The following MPPE1 variants were observed in gnomAD, a reference collection of about 807,000 sequenced individuals.
MPPE1 encodes the protein metallo phosphoesterase.
Under a neutral mutation model 43.8 loss-of-function variants are expected in MPPE1, and 28 were observed. That is an observed-to-expected ratio of 0.64 (90% CI 0.47 to 0.88). The LOEUF (loss-of-function observed/expected upper bound fraction) is 0.88. Among genes scored for constraint, MPPE1 ranks in the 40% least tolerant of loss-of-function variants. The pLI is 0.00. For synonymous variants in MPPE1, 159 were observed against 188.5 expected, an observed-to-expected ratio of 0.84 and a Z score of 1.28; for missense variants, 428 against 492.2, an observed-to-expected ratio of 0.87 and a Z score of 1.23.
intron 10 of MPPE1, 151 bp downstream of exon 10, chr18:11,885,525 A>C (rs896062202): frequency 2.2e-6 from 2 of 891,566 alleles, no homozygotes; most frequent in Non-Finnish European, 3.4e-6. Flanking sequence ...GGTGTTTGGC[A>C]AGGGGCAGTG....
At position 11,897,177 on chromosome 18, in the gene MPPE1, C is replaced by A; in HGVS notation, c.88G>T (p.Val30Phe). 1.6e-6 allele frequency: 2 copies of A among 1,246,734 alleles called. No individual in the cohort carries two copies. The highest frequency in any genetic ancestry group is 1.2e-6 in the Non-Finnish European group (1 of 861,868). The allele number at this position is 1,246,734 out of a possible 1,614,324, so 77.2% of individuals were successfully genotyped here. A position where few individuals can be genotyped will look rare whatever the true frequency, so the allele number is the denominator to read the frequency against. Residue 30 changes from valine to phenylalanine, a missense_variant, in exon 3 of 11, where the codon GTC becomes TTC. Physicochemically the swap from Val to Phe is conservative, Grantham distance 50. Transcript: ENST00000588072. ...SSLLLKLIAV[V>F]FAVLLFCEFL... ...TCACAAAATAGAAGCACAGCAAAGA[C>A]AACAGCTATGAGTTTCAACAGCAAT...
intron 2 of MPPE1, 176 bp from the exon 3 acceptor site, chr18:11,897,532 G>A: frequency 2.5e-6 from 1 of 400,902 alleles, no homozygotes; most frequent in Non-Finnish European, 4.5e-6. Context: ...TGACCTCTCT[G>A]ACTCCTTCAA....
intron 3 of MPPE1, 145 bp from the exon 4 acceptor site, chr18:11,893,721 G>C (rs1323188893): frequency 1.5e-6 from 1 of 663,774 alleles, no homozygotes; most frequent in African/African-American, 1.8e-5. Flanking sequence ...TCCCTGGCTT[G>C]AAGGGCCAAA....
chr18:11,897,324 G>A lies in MPPE1; in HGVS notation c.-60C>T, dbSNP rs992848358. The A allele has an allele frequency of 2.1e-6, 2 of 957,990 alleles. No homozygotes were observed. Among genetic ancestry groups the A allele is most frequent in the Non-Finnish European group, 3.2e-6 (2 of 627,532 alleles). The allele number at this position is 957,990 out of a possible 1,614,324, so 59.3% of individuals were successfully genotyped here. On this transcript the variant is annotated 5_prime_UTR_variant, in exon 3 of 11. Transcript: ENST00000588072. ...CACGAGAAAACTGCAGAGCCCTGGG[G>A]AGGGTGATGGCATTCAGGTCTTAGC...
At chr18:11,885,224 TG>T (rs1306745300) in intron 10 of MPPE1, 1 of 341,352 alleles carries the variant, frequency 2.9e-6, no homozygotes, top group African/African-American at 2.2e-5. Context: ...CAGGAGCCCA[TG>T]GCTGAAAGGA....
At chr18:11,884,916 A>C in intron 10 of MPPE1, 7 of 1,291,938 alleles carry the variant, frequency 5.4e-6, no homozygotes, top group Non-Finnish European at 7.0e-6. Flanking sequence ...GGTTCCCATC[A>C]AATATAGTGG....
Position 11,882,712 on chromosome 18 carries a change from G to C in MPPE1, c.*1733C>G, listed in dbSNP as rs1029513042. The C allele has an allele frequency of 2.0e-5, 3 of 147,786 alleles. No individual in the cohort carries two copies. The highest frequency in any genetic ancestry group is 1.5e-5 in the Non-Finnish European group (1 of 67,410). The allele number at this position is 147,786 out of a possible 1,614,324, so 9.2% of individuals were successfully genotyped here. ...AAAAAAAAAAAAAAAAAACCTTGAC[G>C]TGTCAATGTTTGTGTCTGGCCTAGG... is the stretch of plus-strand genomic sequence containing the variant. On this transcript the variant is annotated 3_prime_UTR_variant, in exon 11 of 11. Coordinates refer to ENST00000588072, the MANE Select transcript of MPPE1 (RefSeq NM_023075.6).
intron 3 of MPPE1, 109 bp from the exon 4 acceptor site, chr18:11,893,685 T>C: frequency 1.2e-6 from 1 of 822,108 alleles, no homozygotes; most frequent in Non-Finnish European, 2.0e-6. Flanking sequence ...CTCTCCTTCT[T>C]CCAGAGCCCC....
At chr18:11,890,540 C>T (rs904578849) in intron 4 of MPPE1, among the ~76,000 whole-genome samples, 5 of 151,778 alleles carry the variant, frequency 3.3e-5, no homozygotes, top group African/African-American at 1.2e-4. Flanking sequence ...GAACTCCTCA[C>T]CTCAAGTGAT....
At chr18:11,889,177 A>G (rs1413980112) in intron 5 of MPPE1, among the ~76,000 whole-genome samples, 1 of 152,228 alleles carries the variant, frequency 6.6e-6, no homozygotes, top group Non-Finnish European at 1.5e-5. Context: ...CCAAGGGCAC[A>G]TACAATTCAT....
chr18:11,906,563 AT>A (rs1330911821), intron 1 of MPPE1, among the ~76,000 whole-genome samples: 2 of 152,158 alleles, frequency 1.3e-5, no homozygotes, highest in Non-Finnish European at 2.9e-5. Flanking sequence ...GGAGCCAAAT[AT>A]TTTATCTTTA....
intron 2 of MPPE1, chr18:11,905,508 ATT>A (rs2039632848): frequency 6.6e-6 from 1 of 152,092 alleles, no homozygotes; most frequent in Admixed American, 6.5e-5. Flanking sequence ...GGGGGAAGAG[ATT>A]CCTTCTCTCC....
rs571903932 is a variant in MPPE1, at chr18:11,884,430, A to G, written c.*15T>C. 8 of 1,609,490 alleles carry G rather than the reference A, an allele frequency of 5.0e-6. No homozygotes were observed. The African/African-American group carries it at 8.0e-5, about 16-fold the overall frequency. On this transcript the variant is annotated 3_prime_UTR_variant, in exon 11 of 11. Coordinates refer to ENST00000588072, the MANE Select transcript of MPPE1 (RefSeq NM_023075.6). ...CCATTTCTTGGGCTTTGATATTTATAATGGCGCCTGCTCTTCATCTTGTCT... is the reference window on the plus strand; with the variant it reads ...CCATTTCTTGGGCTTTGATATTTATGATGGCGCCTGCTCTTCATCTTGTCT...
intron 3 of MPPE1, 43 bp from the exon 4 acceptor site, chr18:11,893,619 A>T (rs2038251213): frequency 4.7e-6 from 7 of 1,501,058 alleles, no homozygotes; most frequent in Non-Finnish European, 6.5e-6. Flanking sequence ...TCTCTTTCCT[A>T]GGTGGAGGCT....
intron 6 of MPPE1, among the ~76,000 whole-genome samples, chr18:11,888,328 G>T (rs780511515): frequency 3.9e-5 from 6 of 152,196 alleles, no homozygotes; most frequent in Non-Finnish European, 7.4e-5. Context: ...AGTATATTTT[G>T]ATCAAATAAA....
Position 11,884,978 on chromosome 18 carries a change from G to T in MPPE1, c.1009-351C>A. ...GCACCGTGGAGTTCCAGGGTCATCG[G>T]TCAGCGAGGAACAAGGAGGGAAAGG... is the stretch of plus-strand genomic sequence containing the variant. On this transcript the variant is annotated intron_variant, in intron 10 of 10. Transcript: ENST00000588072. 2.3e-6 allele frequency: 3 copies of T among 1,303,498 alleles called. No homozygotes were observed. In the South Asian group the frequency reaches 3.8e-5, roughly 16 times the overall value. 80.7% of individuals were successfully genotyped at this position (1,303,498 alleles called of 1,614,324 possible). A position where few individuals can be genotyped will look rare whatever the true frequency, so the allele number is the denominator to read the frequency against.
chr18:11,904,929 C>T (rs563088249), intron 2 of MPPE1, among the ~76,000 whole-genome samples: 6 of 150,586 alleles, frequency 4.0e-5, no homozygotes, highest in South Asian at 2.1e-4. Context: ...GGCGACAGAG[C>T]GAGACTCCAT....
intron 2 of MPPE1, among the ~76,000 whole-genome samples, chr18:11,899,980 G>C (rs1397277816): frequency 6.6e-6 from 1 of 152,162 alleles, no homozygotes. Context: ...GGGAGGCCGA[G>C]GCGGGTGGAT....
At chr18:11,897,497 C>A in intron 2 of MPPE1, 141 bp from the exon 3 acceptor site, 1 of 484,156 alleles carries the variant, frequency 2.1e-6, no homozygotes, top group South Asian at 3.0e-5. Context: ...TAATAATATG[C>A]CAGATTACTA....
Sources: allele counts gnomAD v4.1 joint callset (sites outside exome capture counted in the v4.1 genomes callset), GRCh38; gene constraint gnomAD v4.1.1; transcripts MANE v1.5; gene names NCBI Gene and HGNC (gene_info 2026-07-23, HGNC 2026-07-21).